Variants in FARS2 observed in about 807,000 individuals in gnomAD.
The protein encoded by FARS2 is phenylalanyl-tRNA synthetase 2, mitochondrial, also known as phenylalanine--tRNA ligase, mitochondrial.
A neutral mutation model predicts 46.4 loss-of-function variants in FARS2; 40 were observed. That is an observed-to-expected ratio of 0.86 (90% CI 0.67 to 1.12). The LOEUF (loss-of-function observed/expected upper bound fraction) is 1.12. Among genes scored for constraint, FARS2 ranks in the 50% most tolerant of loss-of-function variants. The pLI is 0.00. For synonymous variants in FARS2, 234 were observed against 214.9 expected, an observed-to-expected ratio of 1.09 and a Z score of -0.78; for missense variants, 513 against 567.9, an observed-to-expected ratio of 0.90 and a Z score of 0.98.
At chr6:5,494,294 C>T (rs1019304733) in intron 4 of FARS2, among the ~76,000 whole-genome samples, 23 of 152,086 alleles carry the variant, frequency 1.5e-4, no homozygotes, top group African/African-American at 5.1e-4. Flanking sequence ...AGCAGCAGCC[C>T]TGGTGATCAT....
At chr6:5,473,028 G>A (rs1011613898) in intron 4 of FARS2, among the ~76,000 whole-genome samples, 7 of 152,148 alleles carry the variant, frequency 4.6e-5, no homozygotes, top group African/African-American at 1.7e-4. Flanking sequence ...GCAGTCCATA[G>A]ATATGTTCAT....
At chr6:5,475,251 C>G (rs887316844) in intron 4 of FARS2, among the ~76,000 whole-genome samples, 1 of 152,034 alleles carries the variant, frequency 6.6e-6, no homozygotes, top group Non-Finnish European at 1.5e-5. Flanking sequence ...GGACAGTTCT[C>G]AAAAAGAGTT....
At chr6:5,401,547 T>C (rs1051766894) in intron 2 of FARS2, among the ~76,000 whole-genome samples, 5 of 152,162 alleles carry the variant, frequency 3.3e-5, no homozygotes, top group Non-Finnish European at 7.4e-5. Context: ...AAATCTGTAA[T>C]TTTTATGTAT....
intron 6 of FARS2, among the ~76,000 whole-genome samples, chr6:5,749,760 G>A (rs895109650): frequency 3.3e-5 from 5 of 152,190 alleles, no homozygotes; most frequent in African/African-American, 1.2e-4. Context: ...GTCATTGGCA[G>A]GCTACCAGCC....
chr6:5,373,031 C>T (rs551907386), intron 2 of FARS2, among the ~76,000 whole-genome samples: 2 of 152,210 alleles, frequency 1.3e-5, no homozygotes, highest in African/African-American at 4.8e-5. Flanking sequence ...ACATCTACAA[C>T]ACAATTAGGT....
intron 1 of FARS2, among the ~76,000 whole-genome samples, chr6:5,333,137 A>T (rs775923697): frequency 6.7e-6 from 1 of 150,356 alleles, no homozygotes; most frequent in Non-Finnish European, 1.5e-5. Context: ...TAATGGAGTT[A>T]TGGCAGTGAA....
rs978898264 is a variant in FARS2 at position 5,771,148 on chromosome 6, G to T, written c.1218-143G>T. On this transcript the variant is annotated intron_variant, in intron 6 of 6. Coordinates refer to ENST00000274680, the MANE Select transcript of FARS2 (RefSeq NM_006567.5). Reference sequence around the variant, plus strand: ...ACCTTCTCCCCCTGTATAAGATGCAGATTGTTAGCGGTAAATGGTACCTGG... The same window carrying T: ...ACCTTCTCCCCCTGTATAAGATGCATATTGTTAGCGGTAAATGGTACCTGG... 1.6e-4 allele frequency: 134 copies of T among 823,018 alleles called. 1 individual carries two copies. In the Middle Eastern group the frequency reaches 2.5e-3, roughly 15 times the overall value. The allele number at this position is 823,018 out of a possible 1,614,324, so 51.0% of individuals were successfully genotyped here.
intron 1 of FARS2, among the ~76,000 whole-genome samples, chr6:5,323,657 A>T (rs1770143522): frequency 6.6e-6 from 1 of 152,220 alleles, no homozygotes; most frequent in African/African-American, 2.4e-5. Flanking sequence ...CCAGTGGCGG[A>T]AGGACTCATT....
At chr6:5,726,785 C>T (rs942307301) in intron 6 of FARS2, among the ~76,000 whole-genome samples, 7 of 152,278 alleles carry the variant, frequency 4.6e-5, no homozygotes, top group Admixed American at 4.6e-4. Flanking sequence ...CCCAGGGGCA[C>T]CGCCATCTCT....
At chr6:5,470,905 C>T (rs1015348075) in intron 4 of FARS2, among the ~76,000 whole-genome samples, 1 of 152,132 alleles carries the variant, frequency 6.6e-6, no homozygotes, top group East Asian at 1.9e-4. Context: ...TCTGAATTTT[C>T]GCAGACCTTT....
chr6:5,406,336 C>G (rs1384546387), intron 3 of FARS2, among the ~76,000 whole-genome samples: 2 of 152,186 alleles, frequency 1.3e-5, no homozygotes, highest in Non-Finnish European at 2.9e-5. Context: ...GTTTTGACGT[C>G]TTGCAAGTTC....
chr6:5,520,030 G>A (rs891392792), intron 4 of FARS2, among the ~76,000 whole-genome samples: 1 of 152,134 alleles, frequency 6.6e-6, no homozygotes, highest in Admixed American at 6.5e-5. Context: ...GTTCTGACCA[G>A]TTCCCCACAA....
chr6:5,569,996 CTT>C (rs946090935), intron 5 of FARS2, among the ~76,000 whole-genome samples: 5 of 152,204 alleles, frequency 3.3e-5, no homozygotes, highest in African/African-American at 9.6e-5. Flanking sequence ...ATGCTGGACT[CTT>C]TAAGGATCCT....
At chr6:5,515,576 G>C (rs1582324744) in intron 4 of FARS2, among the ~76,000 whole-genome samples, 1 of 152,130 alleles carries the variant, frequency 6.6e-6, no homozygotes, top group East Asian at 1.9e-4. Context: ...TTATAGATGT[G>C]CACCAGCACG....
chr6:5,722,960 A>C (rs1446461581), intron 6 of FARS2, among the ~76,000 whole-genome samples: 1 of 152,250 alleles, frequency 6.6e-6, no homozygotes, highest in Non-Finnish European at 1.5e-5. Flanking sequence ...AAAACCTCAG[A>C]GCTATCTACA....
chr6:5,564,925 C>T (rs1772238054), intron 5 of FARS2, among the ~76,000 whole-genome samples: 1 of 152,086 alleles, frequency 6.6e-6, no homozygotes. Flanking sequence ...TCCTAAGGGG[C>T]TTTTTTTAAT....
intron 2 of FARS2, among the ~76,000 whole-genome samples, chr6:5,388,317 A>G (rs1046478774): frequency 6.6e-6 from 1 of 152,248 alleles, no homozygotes; most frequent in Non-Finnish European, 1.5e-5. Flanking sequence ...TATCAAGTTC[A>G]TATGACCCTA....
At chr6:5,551,959 A>T (rs1437035098) in intron 5 of FARS2, among the ~76,000 whole-genome samples, 1 of 152,206 alleles carries the variant, frequency 6.6e-6, no homozygotes, top group African/African-American at 2.4e-5. Flanking sequence ...TTCCTTAATT[A>T]TATCTATAAA....
At chr6:5,503,866 ACTT>A (rs1321147376) in intron 4 of FARS2, among the ~76,000 whole-genome samples, 9 of 152,078 alleles carry the variant, frequency 5.9e-5, no homozygotes, top group African/African-American at 1.9e-4. Flanking sequence ...CCTTTGAAAA[ACTT>A]CTTTGTATCT....
Sources: allele counts gnomAD v4.1 joint callset (sites outside exome capture counted in the v4.1 genomes callset), GRCh38; gene constraint gnomAD v4.1.1; transcripts MANE v1.5; gene names NCBI Gene and HGNC (gene_info 2026-07-23, HGNC 2026-07-21).